Variants in FAM200B observed in about 807,000 individuals in gnomAD.
The protein encoded by FAM200B is zinc finger BED-type containing 11.
In FAM200B, 32 loss-of-function variants were observed where a neutral mutation model predicts 33.1. The ratio of observed to expected loss-of-function variants is 0.97; its 90% CI spans 0.73 to 1.30. The LOEUF is 1.30. Ranked by LOEUF, FAM200B falls within the 50% of genes most tolerant of loss-of-function variation. FAM200B has a pLI of 0.00. For synonymous variants in FAM200B, 240 were observed against 264.8 expected (o/e 0.91, Z 0.91); for missense variants, 741 against 754.0 (o/e 0.98, Z 0.20).
At chr4:15,658,566 G>C in the FAM200B span, among the ~76,000 whole-genome samples, 1 of 151,766 alleles carries the variant, frequency 6.6e-6, no homozygotes, top group Non-Finnish European at 1.5e-5. Context: ...CCAGCATGCT[G>C]AGTCCCTCGC....
chr4:15,648,662 G>T, the FAM200B span, among the ~76,000 whole-genome samples: 2 of 152,186 alleles, frequency 1.3e-5, no homozygotes, highest in African/African-American at 4.8e-5. Flanking sequence ...GGAATCTAAA[G>T]TAGAACTCAC....
At chr4:15,668,474 CT>C in the FAM200B span, among the ~76,000 whole-genome samples, 1 of 150,090 alleles carries the variant, frequency 6.7e-6, no homozygotes, top group African/African-American at 2.5e-5. Flanking sequence ...TTTTTTTGTA[CT>C]TGGTTTTTGT....
the FAM200B span, among the ~76,000 whole-genome samples, chr4:15,670,710 G>A: frequency 1.3e-5 from 2 of 148,872 alleles, no homozygotes; most frequent in Non-Finnish European, 1.5e-5. Flanking sequence ...TTGAAAAAAG[G>A]AAAAAAAAAA....
chr4:15,674,651 T>G, the FAM200B span, among the ~76,000 whole-genome samples: 2 of 151,488 alleles, frequency 1.3e-5, no homozygotes, highest in Non-Finnish European at 2.9e-5. Flanking sequence ...ATGGGATTTT[T>G]GGGTTTTTTT....
At chr4:15,663,223 G>A in the FAM200B span, among the ~76,000 whole-genome samples, 11 of 152,056 alleles carry the variant, frequency 7.2e-5, no homozygotes, top group Non-Finnish European at 1.6e-4. Flanking sequence ...ATTATACATT[G>A]ATAATAGTCA....
At chr4:15,644,573 G>C in the FAM200B span, 2 of 1,614,026 alleles carry the variant, frequency 1.2e-6, no homozygotes, top group Non-Finnish European at 1.7e-6. Flanking sequence ...TAAATGGTCT[G>C]GCTGCGTTGT....
Position 15,688,702 on chromosome 4 carries a change from TGAA to T in FAM200B, c.1726_1728del (p.Glu576del). On this transcript the variant is annotated inframe_deletion, in exon 2 of 2. Transcript: ENST00000422728. ...CTTCATATACATTGAAGAATGATTA[TGAA>T]ACCTTAAGTTTATCAGCATTTTGGA... The T allele has an allele frequency of 1.3e-6, 2 of 1,551,218 alleles. No homozygotes were observed. The highest frequency in any genetic ancestry group is 1.7e-6 in the Non-Finnish European group (2 of 1,146,660).
chr4:15,682,745 G>A (rs1451363578), intron 1 of FAM200B, among the ~76,000 whole-genome samples: 3 of 152,216 alleles, frequency 2.0e-5, no homozygotes, highest in Non-Finnish European at 4.4e-5. Context: ...GGCTGCTGTA[G>A]CATTTGAACT....
At chr4:15,639,105 G>C in the FAM200B span, among the ~76,000 whole-genome samples, 36,859 of 152,104 alleles carry the variant, frequency 0.24, 4,722 homozygotes, top group African/African-American at 0.28. Context: ...CAGAGGTTGC[G>C]GCGAGCCGAT....
At chr4:15,666,023 TAAA>T in the FAM200B span, among the ~76,000 whole-genome samples, 22 of 148,260 alleles carry the variant, frequency 1.5e-4, no homozygotes, top group African/African-American at 5.5e-4. Context: ...AACCTTTTTT[TAAA>T]AAAAAAAAAA....
the FAM200B span, chr4:15,638,533 A>C: frequency 6.3e-7 from 1 of 1,594,736 alleles, no homozygotes; most frequent in Non-Finnish European, 8.5e-7. Context: ...CATCCACGGA[A>C]TATTTAAAAA....
chr4:15,659,470 T>C, the FAM200B span, among the ~76,000 whole-genome samples: 2 of 152,202 alleles, frequency 1.3e-5, no homozygotes, highest in Non-Finnish European at 2.9e-5. Flanking sequence ...GTTCTGGGAA[T>C]CTCTTTACTC....
At chr4:15,671,935 T>C in the FAM200B span, among the ~76,000 whole-genome samples, 37 of 152,228 alleles carry the variant, frequency 2.4e-4, no homozygotes, top group Non-Finnish European at 1.5e-4. Context: ...TTTGAACATA[T>C]GGAATACTGT....
chr4:15,687,190 C>G lies in FAM200B; in HGVS notation c.213C>G (p.Gly71=), dbSNP rs1718932099. Reference sequence around the variant, plus strand: ...ATAATGAAGATTACTTAAAATATGGCTTTATCAAATGTGAAAAACCCTTTG... The same window carrying G: ...ATAATGAAGATTACTTAAAATATGGGTTTATCAAATGTGAAAAACCCTTTG... ...RRYNEDYLKY[G]FIKCEKPFEN... Residue 71 remains glycine (G), a synonymous_variant, in exon 2 of 2, where the codon GGC becomes GGG. Transcript: ENST00000422728. 1 of 1,538,154 alleles carries G rather than the reference C, an allele frequency of 6.5e-7. No homozygotes were observed. Among genetic ancestry groups the G allele is most frequent in the South Asian group, 1.2e-5 (1 of 81,206 alleles).
chr4:15,688,314 T>TA lies in FAM200B; in HGVS notation c.1338dup (p.Gln447ThrfsTer6). 1 of 1,550,208 alleles carries TA rather than the reference T, an allele frequency of 6.5e-7. No homozygotes were observed. The highest frequency in any genetic ancestry group is 8.7e-7 in the Non-Finnish European group (1 of 1,145,732). ...ATTCTTAATGAACTGAGTTTAAAAC[T>TA]ACAGGGGAAAAACAGTGATGTATTC... On this transcript the variant is annotated frameshift_variant, in exon 2 of 2. Coordinates refer to ENST00000422728, the MANE Select transcript of FAM200B (RefSeq NM_001145191.2). LOFTEE classifies it high-confidence loss of function.
At chr4:15,684,492 G>T (rs1045545211) in intron 1 of FAM200B, among the ~76,000 whole-genome samples, 8 of 152,160 alleles carry the variant, frequency 5.3e-5, no homozygotes, top group African/African-American at 1.9e-4. Context: ...TCTAGGGAGA[G>T]GTGGCAGAAG....
chr4:15,663,327 C>T, the FAM200B span, among the ~76,000 whole-genome samples: 1 of 152,164 alleles, frequency 6.6e-6, no homozygotes, highest in Admixed American at 6.5e-5. Context: ...TTATTAGACA[C>T]CTAACACTGT....
chr4:15,688,783 G>T lies in FAM200B; in HGVS notation c.1806G>T (p.Leu602Phe). ...PLLSRKSVLLLLPFTTTSLCE... is the reference protein window; with the variant it reads ...PLLSRKSVLLFLPFTTTSLCE... Reference sequence around the variant, plus strand: ...TAAGTAGAAAGAGTGTCCTGCTATTGCTACCATTCACAACAACTAGTTTGT... The same window carrying T: ...TAAGTAGAAAGAGTGTCCTGCTATTTCTACCATTCACAACAACTAGTTTGT... The change falls in exon 2 of 2, where the codon TTG (leucine) becomes TTT (phenylalanine). Residue 602 changes from leucine to phenylalanine, a missense_variant. By Grantham distance (22) the Leu-to-Phe change is conservative. Coordinates refer to ENST00000422728, the MANE Select transcript of FAM200B (RefSeq NM_001145191.2). 1 of 1,551,074 alleles carries T rather than the reference G, an allele frequency of 6.4e-7. No homozygotes were observed. The highest frequency in any genetic ancestry group is 1.7e-4 in the Middle Eastern group (1 of 5,982).
At chr4:15,653,060 T>C in the FAM200B span, among the ~76,000 whole-genome samples, 10 of 152,332 alleles carry the variant, frequency 6.6e-5, no homozygotes, top group South Asian at 2.1e-4. Context: ...GAGATTTCCA[T>C]TGGCTATCAG....
Sources: allele counts gnomAD v4.1 joint callset (sites outside exome capture counted in the v4.1 genomes callset), GRCh38; gene constraint gnomAD v4.1.1; transcripts MANE v1.5; gene names NCBI Gene and HGNC (gene_info 2026-07-23, HGNC 2026-07-21).